The following RARB variants were observed in gnomAD, a reference collection of about 807,000 sequenced individuals.
RARB encodes the protein retinoic acid receptor beta, also known as HBV-activated protein.
RARB carries 17 observed loss-of-function variants against 51.9 expected under a neutral mutation model. The observed-to-expected ratio is 0.33, with a 90% confidence interval of 0.22 to 0.49. RARB has a LOEUF of 0.49. RARB is among the 20% of genes least tolerant of loss of function. The pLI is 0.99. For synonymous variants in RARB, 215 were observed against 195.4 expected (o/e 1.10, Z -0.84); for missense variants, 369 against 550.8 (o/e 0.67, Z 3.30).
At chr3:25,307,613 A>G (rs1263868657) in intron 5 of RARB, among the ~76,000 whole-genome samples, 2 of 152,198 alleles carry the variant, frequency 1.3e-5, no homozygotes, top group Non-Finnish European at 2.9e-5. Flanking sequence ...AAATATTTGT[A>G]CTTTGATCAG....
chr3:25,068,807 C>T (rs1698714266), intron 3 of RARB, among the ~76,000 whole-genome samples: 1 of 152,076 alleles, frequency 6.6e-6, no homozygotes, highest in African/African-American at 2.4e-5. Context: ...TCCTGTAATG[C>T]TCAGGGGAAG....
At chr3:25,525,376 T>C (rs550196322) in intron 3 of RARB, among the ~76,000 whole-genome samples, 61 of 151,894 alleles carry the variant, frequency 4.0e-4, no homozygotes, top group African/African-American at 1.2e-3. Flanking sequence ...AGGTAGGAGG[T>C]ATTTATGTGA....
Position 25,107,676 on chromosome 3 carries a change from A to G in RARB, c.-327-24485A>G, listed in dbSNP as rs9850264. Among the ~76,000 whole-genome samples, 744 of 152,316 alleles carry G rather than the reference A, an allele frequency of 4.9e-3. 8 individuals carry two copies. The highest frequency in any genetic ancestry group is 0.017 in the African/African-American group (726 of 41,568). On this transcript the variant is annotated intron_variant, in intron 3 of 11. Transcript: ENST00000383772. Reference sequence around the variant, plus strand: ...GCCTATGATAAAGCTTAATTTATAAATGAGGTGAAGTAAGAGATTAACAGC... The same window carrying G: ...GCCTATGATAAAGCTTAATTTATAAGTGAGGTGAAGTAAGAGATTAACAGC...
chr3:25,470,299 T>A (rs1010258403), intron 2 of RARB, among the ~76,000 whole-genome samples: 15 of 152,188 alleles, frequency 9.9e-5, no homozygotes, highest in African/African-American at 3.4e-4. Flanking sequence ...TAAAATGCAA[T>A]TTTAAAGCTA....
At chr3:25,182,384 T>C (rs1171235983) in intron 5 of RARB, among the ~76,000 whole-genome samples, 1 of 152,166 alleles carries the variant, frequency 6.6e-6, no homozygotes, top group Non-Finnish European at 1.5e-5. Context: ...AACAGCGATA[T>C]GCAGAAGACC....
intron 5 of RARB, among the ~76,000 whole-genome samples, chr3:25,328,062 A>T (rs1484211400): frequency 6.6e-6 from 1 of 152,262 alleles, no homozygotes; most frequent in Non-Finnish European, 1.5e-5. Flanking sequence ...ATTATTAGCA[A>T]TACAAATTTT....
chr3:25,380,529 C>T (rs1575357043), intron 5 of RARB, among the ~76,000 whole-genome samples: 1 of 152,132 alleles, frequency 6.6e-6, no homozygotes, highest in East Asian at 1.9e-4. Flanking sequence ...AATTATTTCC[C>T]CCTCTTTCCT....
intron 2 of RARB, among the ~76,000 whole-genome samples, chr3:25,059,441 C>A (rs905834721): frequency 1.3e-5 from 2 of 151,742 alleles, no homozygotes; most frequent in Non-Finnish European, 3.0e-5. Context: ...TCTCACCATA[C>A]CTCACTTTTA....
At chr3:24,997,920 G>T (rs1047228460) in intron 2 of RARB, among the ~76,000 whole-genome samples, 4 of 151,986 alleles carry the variant, frequency 2.6e-5, no homozygotes, top group African/African-American at 9.7e-5. Flanking sequence ...TAAATGCATA[G>T]AAATTCTAAA....
intron 3 of RARB, among the ~76,000 whole-genome samples, chr3:25,558,156 C>CA (rs1344440084): frequency 6.6e-6 from 1 of 152,098 alleles, no homozygotes; most frequent in Admixed American, 6.5e-5. Context: ...TTGGATTACA[C>CA]AAAAAACATG....
chr3:25,264,537 C>T (rs760648029), intron 5 of RARB, among the ~76,000 whole-genome samples: 4 of 152,098 alleles, frequency 2.6e-5, no homozygotes, highest in Admixed American at 6.5e-5. Flanking sequence ...TTAATTACTT[C>T]GAAGCCAAAA....
intron 3 of RARB, among the ~76,000 whole-genome samples, chr3:25,072,390 C>G (rs190230374): frequency 7.9e-5 from 12 of 152,172 alleles, no homozygotes; most frequent in African/African-American, 2.9e-4. Flanking sequence ...CTCTGTAACC[C>G]CATGGTGGAG....
At chr3:25,473,129 C>T (rs1312424705) in intron 2 of RARB, among the ~76,000 whole-genome samples, 3 of 152,132 alleles carry the variant, frequency 2.0e-5, no homozygotes, top group African/African-American at 7.2e-5. Context: ...TATCTCCTAC[C>T]ATAATAGTTT....
intron 3 of RARB, among the ~76,000 whole-genome samples, chr3:25,110,516 G>T (rs2125325065): frequency 6.6e-6 from 1 of 152,242 alleles, no homozygotes; most frequent in South Asian, 2.1e-4. Context: ...TCATTTTAGA[G>T]CAAATTTTGT....
At chr3:24,888,699 C>T (rs1400745726) in intron 2 of RARB, among the ~76,000 whole-genome samples, 1 of 152,092 alleles carries the variant, frequency 6.6e-6, no homozygotes, top group East Asian at 1.9e-4. Flanking sequence ...AAAATAAAGG[C>T]TGTGCATTGA....
At chr3:25,335,883 A>G (rs1705047222) in intron 5 of RARB, among the ~76,000 whole-genome samples, 1 of 152,224 alleles carries the variant, frequency 6.6e-6, no homozygotes, top group African/African-American at 2.4e-5. Flanking sequence ...AAATGGGGAA[A>G]TAATTTAGTA....
chr3:25,362,913 A>T (rs1466515350), intron 5 of RARB, among the ~76,000 whole-genome samples: 1 of 152,176 alleles, frequency 6.6e-6, no homozygotes. Flanking sequence ...AGCTGTTCCT[A>T]TTCAGCCATC....
chr3:25,200,038 T>C (rs1002103644), intron 5 of RARB, among the ~76,000 whole-genome samples: 2 of 152,206 alleles, frequency 1.3e-5, no homozygotes, highest in African/African-American at 4.8e-5. Flanking sequence ...TCCACAATGG[T>C]TGAACTAGTT....
intron 2 of RARB, among the ~76,000 whole-genome samples, chr3:25,054,789 C>A (rs1383988962): frequency 6.6e-6 from 1 of 152,128 alleles, no homozygotes; most frequent in Non-Finnish European, 1.5e-5. Flanking sequence ...GAAAAGAAAA[C>A]CCAGATTATT....
Sources: allele counts gnomAD v4.1 joint callset (sites outside exome capture counted in the v4.1 genomes callset), GRCh38; gene constraint gnomAD v4.1.1; transcripts MANE v1.5; gene names NCBI Gene and HGNC (gene_info 2026-07-23, HGNC 2026-07-21).